Variants in MED23 observed in about 807,000 individuals in gnomAD.
MED23 encodes the protein mediator of RNA polymerase II transcription subunit 23.
Under a neutral mutation model 163.9 loss-of-function variants are expected in MED23, and 105 were observed. That is an observed-to-expected ratio of 0.64 (90% CI 0.55 to 0.75). The LOEUF (loss-of-function observed/expected upper bound fraction) is 0.75. Ranked by LOEUF, MED23 falls within the 30% of genes least tolerant of loss-of-function variation. The pLI is 0.00. For missense variants in MED23, 1,054 were observed against 1,649.0 expected, an observed-to-expected ratio of 0.64 and a Z score of 6.25; for synonymous variants, 561 against 565.6, an observed-to-expected ratio of 0.99 and a Z score of 0.12.
At chr6:131,590,486 A>G (rs752390532) in intron 26 of MED23, 44 bp from the exon 27 acceptor site, 9 of 1,472,178 alleles carry the variant, frequency 6.1e-6, no homozygotes, top group Non-Finnish European at 7.6e-6. Flanking sequence ...GAAATTATTT[A>G]AATTGTTTGA....
chr6:131,593,006 C>T lies in MED23; in HGVS notation c.3398G>A (p.Ser1133Asn), dbSNP rs1316108340. The change falls in exon 24 of 29, where the codon AGT becomes AAT. Residue 1133 changes from serine to asparagine, a missense_variant and splice_region_variant. By Grantham distance (46) the Ser-to-Asn change is conservative. Coordinates refer to ENST00000368068, the MANE Select transcript of MED23 (RefSeq NM_004830.4). ...GNALLNVVLKSQPLVPRENIT... is the reference protein window; with the variant it reads ...GNALLNVVLKNQPLVPRENIT... ...TTACTGCATGAACCAGAATACATAC[C>T]TTTTTAGGACAACATTTAGAAGGGC... 1 of 1,613,980 alleles carries T rather than the reference C, an allele frequency of 6.2e-7. No homozygotes were observed. Among genetic ancestry groups the T allele is most frequent in the African/African-American group, 1.3e-5 (1 of 74,900 alleles).
At chr6:131,625,324 T>C (rs757256158) in intron 3 of MED23, among the ~76,000 whole-genome samples, 1 of 152,228 alleles carries the variant, frequency 6.6e-6, no homozygotes, top group Non-Finnish European at 1.5e-5. Context: ...GTGCCCTTTA[T>C]GGCATATATA....
chr6:131,602,034 TAATAG>T (rs1015504526), intron 17 of MED23, among the ~76,000 whole-genome samples, 179 bp downstream of exon 17: 26 of 152,246 alleles, frequency 1.7e-4, no homozygotes, highest in African/African-American at 5.8e-4. Flanking sequence ...ACGCAGTTAT[TAATAG>T]AATGATGGTA....
intron 5 of MED23, 32 bp from the exon 6 acceptor site, chr6:131,622,011 T>G (rs1323036390): frequency 6.7e-7 from 1 of 1,490,712 alleles, no homozygotes; most frequent in Non-Finnish European, 9.4e-7. Context: ...GGGTTAAAAT[T>G]AAGTAGTGTC....
Position 131,620,661 on chromosome 6 carries a change from C to T in MED23, c.564G>A (p.Arg188=). The T allele has an allele frequency of 6.2e-7, 1 of 1,612,972 alleles. No homozygotes were observed. Among genetic ancestry groups the T allele is most frequent in the Non-Finnish European group, 8.5e-7 (1 of 1,179,236 alleles). ...LPAYFAVTEI[R]KLYPEGKLPH... is the part of the protein sequence containing the mutation. ...GAAGTTTGCCTTCAGGATACAGTTT[C>T]CTGATCTCAGTGACTGCAAAATAGG... is the stretch of plus-strand genomic sequence containing the variant. Residue 188 remains arginine (R), a synonymous_variant, in exon 7 of 29, where the codon AGG becomes AGA. Coordinates refer to ENST00000368068, the MANE Select transcript of MED23 (RefSeq NM_004830.4).
chr6:131,582,746 C>A, downstream of MED23: 1 of 1,597,446 alleles, frequency 6.3e-7, no homozygotes, highest in Non-Finnish European at 8.6e-7. Context: ...GATTTGCCTC[C>A]ATTTTTGTCC....
At chr6:131,607,298 T>C (rs1211156960) in intron 12 of MED23, among the ~76,000 whole-genome samples, 2 of 151,566 alleles carry the variant, frequency 1.3e-5, no homozygotes, top group African/African-American at 4.8e-5. Flanking sequence ...ATACTCTTGT[T>C]TCATCTTAAA....
chr6:131,604,977 T>C (rs1461805160), intron 14 of MED23, among the ~76,000 whole-genome samples: 2 of 152,038 alleles, frequency 1.3e-5, no homozygotes, highest in Middle Eastern at 3.2e-3. Context: ...TAACTATCTA[T>C]AAAAAATGAA....
rs1195181973 is a variant in MED23, at chr6:131,586,762, A to G, written c.*917T>C. 4 of 1,470,784 alleles carry G rather than the reference A, an allele frequency of 2.7e-6. No individual in the cohort carries two copies. The highest frequency in any genetic ancestry group is 3.6e-6 in the Non-Finnish European group (4 of 1,098,690). 91.1% of individuals were successfully genotyped at this position (1,470,784 alleles called of 1,614,324 possible). ...AAACAATCACACGGTTTATTCATTC[A>G]GCAGACTTTACTCATTAGTTTTCAA... On this transcript the variant is annotated 3_prime_UTR_variant, in exon 29 of 29. Transcript: ENST00000368068.
downstream of MED23, among the ~76,000 whole-genome samples, chr6:131,586,045 A>G (rs1160933154): frequency 3.3e-5 from 5 of 152,208 alleles, no homozygotes; most frequent in South Asian, 1.0e-3. Flanking sequence ...CATTGACGCT[A>G]TGCTAAGATT....
chr6:131,580,522 G>A (rs969610708), intron 30 of MED23, among the ~76,000 whole-genome samples: 1 of 152,098 alleles, frequency 6.6e-6, no homozygotes. Flanking sequence ...TGGCAAAACC[G>A]CAATACTTTT....
At chr6:131,606,366 A>C (rs548879218) in intron 13 of MED23, 113 bp downstream of exon 13, 1 of 1,052,880 alleles carries the variant, frequency 9.5e-7, no homozygotes, top group Non-Finnish European at 1.4e-6. Context: ...GCCCTTACCT[A>C]TAGTGGGTAT....
Position 131,600,137 on chromosome 6 carries a change from A to G in MED23, c.2121T>C (p.Ile707=). ...GTATGTCTTTACACCAAGTTCCCTG[A>G]ATTGAATCAGAGCCTGTAAAAAAAT... ...VTDFFTGSDS[I]QGTWCKDILQ... is the part of the protein sequence containing the mutation. Residue 707 remains isoleucine, a synonymous_variant, in exon 18 of 29, where the codon ATT becomes ATC. Transcript: ENST00000368068. The G allele has an allele frequency of 6.2e-7, 1 of 1,612,012 alleles. No homozygotes were observed. The highest frequency in any genetic ancestry group is 8.5e-7 in the Non-Finnish European group (1 of 1,178,088).
At chr6:131,617,615 C>T (rs1776787075) in intron 9 of MED23, among the ~76,000 whole-genome samples, 1 of 152,022 alleles carries the variant, frequency 6.6e-6, no homozygotes, top group Non-Finnish European at 1.5e-5. Context: ...GCATTCACTT[C>T]AATGTGCTAA....
chr6:131,574,120 C>T (rs1585393490), exon 31 of MED23: 1 of 782,556 alleles, frequency 1.3e-6, no homozygotes, highest in Non-Finnish European at 2.2e-6. Flanking sequence ...TGACAGAACA[C>T]CTTAGACTTC....
At chr6:131,594,461 G>A in intron 22 of MED23, 126 bp from the exon 23 acceptor site, 2 of 790,180 alleles carry the variant, frequency 2.5e-6, no homozygotes, top group Admixed American at 1.7e-5. Flanking sequence ...TTCACATGCT[G>A]GGCAATTGTA....
rs141237898 is a variant in MED23 at position 131,621,917 on chromosome 6, G to A, written c.459C>T (p.Ser153=). 3.1e-4 allele frequency: 501 copies of A among 1,613,558 alleles called. 6 individuals are homozygous for A. The East Asian group carries it at 9.8e-3, about 31-fold the overall frequency. The change falls in exon 6 of 29, where the codon AGC becomes AGT. Residue 153 remains serine (S), a synonymous_variant. Coordinates refer to ENST00000368068, the MANE Select transcript of MED23 (RefSeq NM_004830.4). Reference sequence around the variant, plus strand: ...CCAGAAGCTGCTGTACAACAGCAGAGCTCACTGTATTAGGAATTGTCAAAA... The same window carrying A: ...CCAGAAGCTGCTGTACAACAGCAGAACTCACTGTATTAGGAATTGTCAAAA... ...EKILTIPNTV[S]SAVVQQLLAA...
chr6:131,603,479 C>A (rs910217956), intron 15 of MED23, among the ~76,000 whole-genome samples: 3 of 151,910 alleles, frequency 2.0e-5, no homozygotes, highest in African/African-American at 7.3e-5. Context: ...TATGAAAAAA[C>A]ATTAATCTTC....
intron 11 of MED23, 142 bp from the exon 12 acceptor site, chr6:131,608,213 T>A: frequency 8.8e-6 from 7 of 794,228 alleles, no homozygotes; most frequent in Middle Eastern, 3.0e-4. Context: ...CTTTGGCACT[T>A]AGTAATTACT....
Sources: gnomAD v4.1 joint callset for allele counts (sites outside exome capture counted in the v4.1 genomes callset) on GRCh38, gnomAD v4.1.1 for gene constraint, MANE v1.5 for transcripts, NCBI Gene and HGNC (gene_info 2026-07-23, HGNC 2026-07-21) for gene names.